JARID2: variants seen among roughly 807,000 people sequenced by gnomAD.
JARID2 encodes the protein jumonji and AT-rich interaction domain containing 2, also known as protein Jumonji.
JARID2 carries 21 observed loss-of-function variants against 125.6 expected under a neutral mutation model. That is an observed-to-expected ratio of 0.17 (90% CI 0.12 to 0.24). The LOEUF (loss-of-function observed/expected upper bound fraction) is 0.24, where lower values mean the gene tolerates loss of function less well. Ranked by LOEUF, JARID2 falls within the 10% of genes least tolerant of loss-of-function variation. The pLI, the probability that JARID2 is intolerant of heterozygous loss-of-function variation, is 1.00. For missense variants in JARID2, 1,303 were observed against 1,639.6 expected (o/e 0.79, Z 3.55); for synonymous variants, 736 against 661.6 (o/e 1.11, Z -1.73).
intron 1 of JARID2, among the ~76,000 whole-genome samples, chr6:15,367,771 G>T (rs141757673): frequency 1.3e-5 from 2 of 152,184 alleles, no homozygotes; most frequent in East Asian, 3.8e-4. Flanking sequence ...TTAAATGCAG[G>T]TGGTGCTGAG....
rs542775971 is a variant in JARID2 at position 15,395,260 on chromosome 6, C to T, written c.182-14964C>T. On this transcript the variant is annotated intron_variant, in intron 2 of 17. Transcript: ENST00000341776. ...TTCGAAAAGGTGATTACTCACTCTTCAGTTTTGACCTATCAGCCCTTTGTT... is the reference window on the plus strand; with the variant it reads ...TTCGAAAAGGTGATTACTCACTCTTTAGTTTTGACCTATCAGCCCTTTGTT... 2.0e-5 allele frequency among the ~76,000 whole-genome samples: 3 copies of T among 152,150 alleles called. No homozygotes were observed. The South Asian group carries it at 6.2e-4, about 32-fold the overall frequency.
At chr6:15,443,806 A>G (rs1233121757) in intron 3 of JARID2, among the ~76,000 whole-genome samples, 2 of 152,144 alleles carry the variant, frequency 1.3e-5, no homozygotes, top group African/African-American at 4.8e-5. Flanking sequence ...CCACCTAAGA[A>G]AAAAAGACCC....
chr6:15,503,066 T>C (rs1033486688), intron 8 of JARID2, among the ~76,000 whole-genome samples: 3 of 152,240 alleles, frequency 2.0e-5, no homozygotes, highest in Non-Finnish European at 4.4e-5. Flanking sequence ...TTTGTTTAAA[T>C]CCACCCCGTC....
intron 1 of JARID2, among the ~76,000 whole-genome samples, chr6:15,281,647 T>A (rs1266840826): frequency 6.6e-6 from 1 of 152,214 alleles, no homozygotes; most frequent in East Asian, 1.9e-4. Context: ...GTGATTTAGC[T>A]TTTTCTCACG....
At position 15,384,659 on chromosome 6, in the gene JARID2, C is replaced by T. The variant is rs184607184; in HGVS notation, c.181+10407C>T. 8.5e-5 allele frequency among the ~76,000 whole-genome samples: 13 copies of T among 152,240 alleles called. 1 individual carries two copies. The highest frequency in any genetic ancestry group is 1.8e-4 in the Non-Finnish European group (12 of 68,008). On this transcript the variant is annotated intron_variant, in intron 2 of 17. Coordinates refer to ENST00000341776, the MANE Select transcript of JARID2 (RefSeq NM_004973.4). Reference sequence around the variant, plus strand: ...GGCTGGAGTGCAGTGGGGGCTATCACATCTCACTGCAGCCTGGGCTCCTTC... The same window carrying T: ...GGCTGGAGTGCAGTGGGGGCTATCATATCTCACTGCAGCCTGGGCTCCTTC...
At chr6:15,469,298 G>GTC (rs1442601697) in intron 5 of JARID2, among the ~76,000 whole-genome samples, 705 of 28,298 alleles carry the variant, frequency 0.025, 19 homozygotes, top group African/African-American at 0.091. Flanking sequence ...CTGTCTCTCT[G>GTC]TCTCTGTCTC....
intron 3 of JARID2, among the ~76,000 whole-genome samples, chr6:15,429,513 T>C (rs1766881482): frequency 6.6e-6 from 1 of 152,098 alleles, no homozygotes. Context: ...AATTGATCTT[T>C]GCACTTCAGC....
chr6:15,403,917 TG>T (rs1765542377), intron 2 of JARID2, among the ~76,000 whole-genome samples: 1 of 151,884 alleles, frequency 6.6e-6, no homozygotes, highest in South Asian at 2.1e-4. Flanking sequence ...TGGGTGGGGG[TG>T]TTTTTGGATT....
At chr6:15,403,048 G>A (rs1346792201) in intron 2 of JARID2, among the ~76,000 whole-genome samples, 2 of 152,124 alleles carry the variant, frequency 1.3e-5, no homozygotes, top group Admixed American at 1.3e-4. Context: ...TGTTATAAAG[G>A]TCATATTAAG....
chr6:15,246,266 G>T lies in JARID2; in HGVS notation c.-274G>T. Reference sequence around the variant, plus strand: ...GGTTTTTTTTTGTGTGTGTGTGTATGTGTTTCGGGGGAAATTTTCCATTAT... The same window carrying T: ...GGTTTTTTTTTGTGTGTGTGTGTATTTGTTTCGGGGGAAATTTTCCATTAT... On this transcript the variant is annotated 5_prime_UTR_variant, in exon 1 of 18. An upstream start codon of the reference 5' UTR is lost. Coordinates refer to ENST00000341776, the MANE Select transcript of JARID2 (RefSeq NM_004973.4). The T allele has an allele frequency of 4.4e-5, 23 of 528,140 alleles. No individual in the cohort carries two copies. Among genetic ancestry groups the T allele is most frequent in the Non-Finnish European group, 4.6e-5 (14 of 301,196 alleles). The allele number at this position is 528,140 out of a possible 1,614,324, so 32.7% of individuals were successfully genotyped here. A position where few individuals can be genotyped will look rare whatever the true frequency, so the allele number is the denominator to read the frequency against.
chr6:15,445,567 T>A (rs1175990590), intron 3 of JARID2, among the ~76,000 whole-genome samples: 1 of 152,162 alleles, frequency 6.6e-6, no homozygotes, highest in Non-Finnish European at 1.5e-5. Flanking sequence ...CTTTCCCCCT[T>A]CGAGCTCATG....
chr6:15,415,722 G>A (rs1236120112), intron 3 of JARID2, among the ~76,000 whole-genome samples: 3 of 148,856 alleles, frequency 2.0e-5, no homozygotes, highest in Non-Finnish European at 3.0e-5. Context: ...TCCCGGACGG[G>A]GCGGCTGGCC....
chr6:15,344,130 T>G (rs1402624319), intron 1 of JARID2, among the ~76,000 whole-genome samples: 5 of 87,850 alleles, frequency 5.7e-5, no homozygotes, highest in African/African-American at 1.9e-4. Context: ...TTTTTTTTTT[T>G]GTAAATTTCC....
intron 1 of JARID2, among the ~76,000 whole-genome samples, chr6:15,329,093 T>C (rs1762622289): frequency 6.6e-6 from 1 of 152,054 alleles, no homozygotes; most frequent in Admixed American, 6.5e-5. Context: ...ACAAAGTAGG[T>C]CAGAAACAGG....
At chr6:15,320,904 G>T (rs148020798) in intron 1 of JARID2, among the ~76,000 whole-genome samples, 10 of 149,338 alleles carry the variant, frequency 6.7e-5, no homozygotes, top group Non-Finnish European at 1.2e-4. Context: ...TGCATGTGAA[G>T]TATGACTTGC....
At chr6:15,497,279 G>A (rs1032229007) in intron 7 of JARID2, 109 bp downstream of exon 7, 6 of 857,688 alleles carry the variant, frequency 7.0e-6, no homozygotes, top group Non-Finnish European at 8.9e-6. Context: ...CTCCAGTTCC[G>A]CTTCCCTGTC....
intron 1 of JARID2, among the ~76,000 whole-genome samples, chr6:15,349,646 G>C (rs953576116): frequency 1.3e-5 from 2 of 152,100 alleles, no homozygotes; most frequent in African/African-American, 4.8e-5. Context: ...AAAAGGAAGG[G>C]ATTCCATGAA....
At chr6:15,275,546 T>G (rs71551044) in intron 1 of JARID2, among the ~76,000 whole-genome samples, 908 of 11,374 alleles carry the variant, frequency 0.08, 33 homozygotes, top group Non-Finnish European at 0.1. Context: ...CCCCCCCCCG[T>G]CTTTTGCCTC....
intron 2 of JARID2, chr6:15,400,862 G>C (rs1052898899): frequency 7.8e-7 from 1 of 1,286,302 alleles, no homozygotes; most frequent in African/African-American, 1.5e-5. Flanking sequence ...GTTGACAAGT[G>C]CTCCGGAGCC....
Sources: gnomAD v4.1 joint callset for allele counts (sites outside exome capture counted in the v4.1 genomes callset) on GRCh38, gnomAD v4.1.1 for gene constraint, MANE v1.5 for transcripts, NCBI Gene and HGNC (gene_info 2026-07-23, HGNC 2026-07-21) for gene names.